The following TAFA5 variants were observed in gnomAD, a reference collection of about 807,000 sequenced individuals.
The protein encoded by TAFA5 is chemokine-like protein TAFA-5.
A neutral mutation model predicts 15.3 loss-of-function variants in TAFA5; 6 were observed. The observed-to-expected ratio is 0.39, with a 90% CI of 0.21 to 0.77. TAFA5 has a LOEUF of 0.77. Among genes scored for constraint, TAFA5 ranks in the 30% least tolerant of loss-of-function variants. The pLI, the probability that TAFA5 is intolerant of heterozygous loss-of-function variation, is 0.41. For missense variants in TAFA5, 161 were observed against 193.1 expected, an observed-to-expected ratio of 0.83 and a Z score of 0.98; for synonymous variants, 103 against 80.7, an observed-to-expected ratio of 1.28 and a Z score of -1.48.
rs1240577376 is a variant in TAFA5 at position 48,552,205 on chromosome 22, G to A, written c.112+62501G>A. 1.3e-5 allele frequency among the ~76,000 whole-genome samples: 2 copies of A among 152,176 alleles called. No homozygotes were observed. Among genetic ancestry groups the A allele is most frequent in the Non-Finnish European group, 2.9e-5 (2 of 68,024 alleles). ...ACAGCGGACCTCACATGGCTCTTCT[G>A]CTGTGGAGAAGGGTCCACACTTGCC... On this transcript the variant is annotated intron_variant, in intron 1 of 3. Coordinates refer to ENST00000402357, the MANE Select transcript of TAFA5 (RefSeq NM_001082967.3). The surrounding 1 kb of genome is among the most constrained non-coding windows in gnomAD (Gnocchi z 4.1).
At chr22:48,621,775 C>T (rs763378906) in intron 1 of TAFA5, among the ~76,000 whole-genome samples, 7 of 152,056 alleles carry the variant, frequency 4.6e-5, no homozygotes, top group African/African-American at 9.7e-5. Context: ...ACTGGCCTCT[C>T]GAGGTGGGGA....
chr22:48,596,565 C>G (rs1429062471), intron 1 of TAFA5, among the ~76,000 whole-genome samples: 1 of 152,160 alleles, frequency 6.6e-6, no homozygotes, highest in African/African-American at 2.4e-5. Context: ...TCCTGCCCCT[C>G]CCATCCCCAC....
At chr22:48,546,670 G>A (rs957731076) in intron 1 of TAFA5, 3 of 459,042 alleles carry the variant, frequency 6.5e-6, no homozygotes, top group East Asian at 7.1e-5. Context: ...CATCTGTGAG[G>A]GTCCGCAGGA....
intron 1 of TAFA5, among the ~76,000 whole-genome samples, chr22:48,532,424 C>G (rs1350293554): frequency 2.6e-5 from 4 of 152,240 alleles, no homozygotes; most frequent in African/African-American, 9.6e-5. Flanking sequence ...CCCTCCTGCT[C>G]AATCCCAAGG....
At chr22:48,637,126 T>A (rs1037439038) in intron 1 of TAFA5, among the ~76,000 whole-genome samples, 4 of 152,170 alleles carry the variant, frequency 2.6e-5, no homozygotes, top group Non-Finnish European at 4.4e-5. Flanking sequence ...CCCCAACACC[T>A]GCTTTGTCAG....
chr22:48,512,264 G>A (rs1921242810), intron 1 of TAFA5, among the ~76,000 whole-genome samples: 2 of 152,212 alleles, frequency 1.3e-5, no homozygotes, highest in South Asian at 4.1e-4. Flanking sequence ...CCACAGTGCA[G>A]AAAGGAAAGG....
At chr22:48,625,919 A>AG (rs1359126243) in intron 1 of TAFA5, among the ~76,000 whole-genome samples, 1 of 152,180 alleles carries the variant, frequency 6.6e-6, no homozygotes, top group African/African-American at 2.4e-5. Flanking sequence ...TATCTTTTCC[A>AG]GAGTGTCATG....
chr22:48,688,005 GT>G (rs130109), intron 2 of TAFA5, among the ~76,000 whole-genome samples: 71,935 of 149,168 alleles, frequency 0.48, 17,550 homozygotes, highest in South Asian at 0.53. Context: ...TGATTAGAGG[GT>G]TTTTTTTTTT....
intron 3 of TAFA5, among the ~76,000 whole-genome samples, chr22:48,715,002 C>G (rs188613227): frequency 1.3e-5 from 2 of 152,354 alleles, no homozygotes; most frequent in Admixed American, 1.3e-4. Context: ...ATAAACACTC[C>G]AGCTATTGGC....
chr22:48,696,664 T>A (rs1928721833), intron 2 of TAFA5, among the ~76,000 whole-genome samples: 1 of 152,222 alleles, frequency 6.6e-6, no homozygotes, highest in African/African-American at 2.4e-5. Context: ...AGCTGATGGC[T>A]GGGGTCTGAC....
At chr22:48,638,470 C>T (rs1160834524) in intron 1 of TAFA5, among the ~76,000 whole-genome samples, 9 of 125,180 alleles carry the variant, frequency 7.2e-5, no homozygotes, top group South Asian at 3.2e-4. Flanking sequence ...CCTGGGTCAC[C>T]GCACACAGGG....
chr22:48,549,294 G>A (rs541889795), intron 1 of TAFA5, among the ~76,000 whole-genome samples: 4 of 152,330 alleles, frequency 2.6e-5, no homozygotes, highest in South Asian at 2.1e-4. Context: ...GCTCATCAGC[G>A]TGTTTGAATT....
At chr22:48,713,613 C>T (rs1310902963) in intron 3 of TAFA5, among the ~76,000 whole-genome samples, 5 of 152,214 alleles carry the variant, frequency 3.3e-5, no homozygotes, top group African/African-American at 7.2e-5. Context: ...TCTCGTGGTT[C>T]GAGAGCTCTC....
intron 3 of TAFA5, among the ~76,000 whole-genome samples, chr22:48,749,252 G>T (rs1484029585): frequency 6.6e-6 from 1 of 152,194 alleles, no homozygotes; most frequent in Non-Finnish European, 1.5e-5. Context: ...TTGAGTCTGG[G>T]CAAGAAGAAC....
At chr22:48,564,330 C>T (rs1193304098) in intron 1 of TAFA5, among the ~76,000 whole-genome samples, 2 of 152,242 alleles carry the variant, frequency 1.3e-5, no homozygotes, top group Non-Finnish European at 2.9e-5. Flanking sequence ...GGCTTCAGGG[C>T]ACGTTGGGTT....
intron 2 of TAFA5, among the ~76,000 whole-genome samples, chr22:48,671,898 G>C (rs1433531341): frequency 6.6e-6 from 1 of 152,186 alleles, no homozygotes; most frequent in Non-Finnish European, 1.5e-5. Flanking sequence ...CTGATGAGTG[G>C]GGAGTAAGCC....
At chr22:48,573,250 T>C (rs1447320964) in intron 1 of TAFA5, among the ~76,000 whole-genome samples, 2 of 152,268 alleles carry the variant, frequency 1.3e-5, no homozygotes, top group Admixed American at 6.5e-5. Context: ...GGCATCCTTC[T>C]GTTGGTTCCC....
intron 1 of TAFA5, among the ~76,000 whole-genome samples, chr22:48,492,630 TCTC>T (rs1412186247): frequency 1.3e-5 from 2 of 152,078 alleles, no homozygotes; most frequent in South Asian, 2.1e-4. Context: ...CTTGTCATTT[TCTC>T]CTCCTGGGGA....
chr22:48,690,115 C>T (rs1283979889), intron 2 of TAFA5, among the ~76,000 whole-genome samples: 1 of 151,980 alleles, frequency 6.6e-6, no homozygotes, highest in Non-Finnish European at 1.5e-5. Flanking sequence ...GGGGCCTGTG[C>T]TCCCCCCACC....
Sources: gnomAD v4.1 joint callset for allele counts (sites outside exome capture counted in the v4.1 genomes callset) on GRCh38, gnomAD v4.1.1 for gene constraint, Gnocchi (gnomAD v3.1) non-coding constraint, MANE v1.5 for transcripts, NCBI Gene and HGNC (gene_info 2026-07-23, HGNC 2026-07-21) for gene names.